Variants in ARHGAP44 observed in about 807,000 individuals in gnomAD.
The protein encoded by ARHGAP44 is Rho GTPase activating protein 44.
ARHGAP44 carries 43 observed loss-of-function variants against 106.8 expected under a neutral mutation model. The observed-to-expected ratio is 0.40, with a 90% CI of 0.32 to 0.52. ARHGAP44 has a LOEUF of 0.52. Ranked by LOEUF, ARHGAP44 falls within the 20% of genes least tolerant of loss-of-function variation. ARHGAP44 has a pLI of 0.48. For missense variants in ARHGAP44, 866 were observed against 1,050.5 expected (o/e 0.82, Z 2.43); for synonymous variants, 439 against 410.3 (o/e 1.07, Z -0.85).
At chr17:12,946,183 T>C (rs2038846731) in intron 10 of ARHGAP44, among the ~76,000 whole-genome samples, 1 of 152,198 alleles carries the variant, frequency 6.6e-6, no homozygotes, top group Non-Finnish European at 1.5e-5. Flanking sequence ...CACATAAAGA[T>C]AACATAATGA....
intron 16 of ARHGAP44, 183 bp from the exon 17 acceptor site, chr17:12,973,119 T>TA (rs1465997137): frequency 5.1e-5 from 32 of 625,172 alleles, no homozygotes; most frequent in Middle Eastern, 2.6e-4. Flanking sequence ...GACTTACACT[T>TA]ACACAAATAG....
intron 13 of ARHGAP44, among the ~76,000 whole-genome samples, chr17:12,953,716 C>T (rs1023399887): frequency 2.0e-5 from 3 of 152,228 alleles, no homozygotes; most frequent in South Asian, 4.1e-4. Flanking sequence ...ACCTTGAGGA[C>T]GTTATGCTAT....
At chr17:12,877,344 C>G (rs992071423) in intron 1 of ARHGAP44, among the ~76,000 whole-genome samples, 3 of 152,074 alleles carry the variant, frequency 2.0e-5, no homozygotes, top group African/African-American at 7.2e-5. Context: ...ATCACATGCC[C>G]TTGGAAAATA....
intron 3 of ARHGAP44, among the ~76,000 whole-genome samples, chr17:12,903,744 C>CTTTT (rs2037465678): frequency 6.6e-6 from 1 of 152,068 alleles, no homozygotes; most frequent in Non-Finnish European, 1.5e-5. Flanking sequence ...TATCCCTCAC[C>CTTTT]CTCCTCCCAC....
At chr17:12,989,113 A>AC (rs2040039345) in intron 20 of ARHGAP44, among the ~76,000 whole-genome samples, 4 of 141,610 alleles carry the variant, frequency 2.8e-5, no homozygotes, top group Admixed American at 7.1e-5. Context: ...AAAAAAAAAA[A>AC]AAAAAAAAAA....
intron 4 of ARHGAP44, among the ~76,000 whole-genome samples, chr17:12,911,147 A>G (rs528175044): frequency 1.3e-5 from 2 of 152,254 alleles, no homozygotes; most frequent in Admixed American, 6.5e-5. Context: ...TGTAAATGGA[A>G]TAAACTCAAC....
intron 4 of ARHGAP44, among the ~76,000 whole-genome samples, chr17:12,914,764 C>G (rs1039081010): frequency 8.7e-5 from 13 of 149,188 alleles, no homozygotes; most frequent in Non-Finnish European, 1.8e-4. Context: ...CCACTGTACT[C>G]CAGCCTAGGC....
intron 1 of ARHGAP44, among the ~76,000 whole-genome samples, chr17:12,831,768 A>G (rs904070011): frequency 2.0e-5 from 3 of 152,284 alleles, no homozygotes; most frequent in Admixed American, 6.5e-5. Context: ...CCTTTTTACT[A>G]AAGAGTGTAA....
At chr17:12,881,761 A>G (rs2036744352) in intron 1 of ARHGAP44, among the ~76,000 whole-genome samples, 1 of 152,180 alleles carries the variant, frequency 6.6e-6, no homozygotes. Flanking sequence ...TGGTATGATC[A>G]TAACTCACTG....
At chr17:12,916,072 C>CA in intron 5 of ARHGAP44, 61 bp downstream of exon 5, 2 of 1,329,500 alleles carry the variant, frequency 1.5e-6, no homozygotes, top group Non-Finnish European at 1.1e-6. Context: ...AGGAGCCCCT[C>CA]AATCATTCTG....
intron 1 of ARHGAP44, among the ~76,000 whole-genome samples, chr17:12,822,223 G>A (rs2034791058): frequency 6.6e-6 from 1 of 152,200 alleles, no homozygotes; most frequent in Non-Finnish European, 1.5e-5. Flanking sequence ...AAATGACTGA[G>A]CATTGCTGTG....
chr17:12,800,112 G>GCTTATT (rs1216194166), intron 1 of ARHGAP44, among the ~76,000 whole-genome samples: 7 of 152,172 alleles, frequency 4.6e-5, no homozygotes, highest in Admixed American at 4.6e-4. Flanking sequence ...CTCAATAAAT[G>GCTTATT]ACAGTTATTA....
intron 10 of ARHGAP44, among the ~76,000 whole-genome samples, chr17:12,946,059 T>G (rs1037460038): frequency 9.9e-5 from 15 of 152,174 alleles, no homozygotes; most frequent in Admixed American, 7.2e-4. Context: ...GCACTGGGCC[T>G]CAATTTAAAA....
Position 12,952,514 on chromosome 17 carries a change from G to C in ARHGAP44, c.1069G>C (p.Asp357His). 6.3e-7 allele frequency: 1 copy of C among 1,579,428 alleles called. No homozygotes were observed. The highest frequency in any genetic ancestry group is 8.6e-7 in the Non-Finnish European group (1 of 1,161,944). The change falls in exon 13 of 21, where the codon GAC becomes CAC. Residue 357 changes from aspartate to histidine, a missense_variant. This residue lies in a region of ARHGAP44 where 448 missense variants were observed against 646.9 expected (regional missense o/e 0.69). Coordinates refer to ENST00000379672, the MANE Select transcript of ARHGAP44 (RefSeq NM_014859.6). ...TCAATTTCTCAGTGTCCAGGAGCAA[G>C]ACAAGAAGCTTCAGGCTCTATGGAA... is the stretch of plus-strand genomic sequence containing the variant. Reference protein sequence around the residue: ...WIQASNVQEQDKKLQALWNAC... With the variant: ...WIQASNVQEQHKKLQALWNAC...
intron 1 of ARHGAP44, among the ~76,000 whole-genome samples, chr17:12,815,447 G>A (rs2034571625): frequency 6.6e-6 from 1 of 152,170 alleles, no homozygotes; most frequent in South Asian, 2.1e-4. Context: ...ATAGAATATA[G>A]CACATAACAA....
chr17:12,938,011 T>A (rs1397090127), intron 7 of ARHGAP44, among the ~76,000 whole-genome samples: 1 of 152,010 alleles, frequency 6.6e-6, no homozygotes, highest in Non-Finnish European at 1.5e-5. Context: ...GGCAGGAGAA[T>A]CGCTTGAACC....
chr17:12,958,753 C>G lies in ARHGAP44; in HGVS notation c.1379C>G (p.Pro460Arg). 6.2e-7 allele frequency: 1 copy of G among 1,613,892 alleles called. No homozygotes were observed. The highest frequency in any genetic ancestry group is 8.5e-7 in the Non-Finnish European group (1 of 1,179,876). ...EFNITGNYGS[P>R]VHVNHNANYS... is the part of the protein sequence containing the mutation. ...AACATTACTGGCAATTATGGGAGTC[C>G]AGTACACGTGAACCATAATGCCAAC... The change falls in exon 16 of 21, where the codon CCA (proline) becomes CGA (arginine). Residue 460 changes from proline to arginine, a missense_variant. Physicochemically the swap from Pro to Arg is moderately radical, Grantham distance 103. Coordinates refer to ENST00000379672, the MANE Select transcript of ARHGAP44 (RefSeq NM_014859.6). The surrounding 1 kb of genome is among the most constrained non-coding windows in gnomAD (Gnocchi z 4.1).
At chr17:12,890,829 A>G (rs186188770) in intron 1 of ARHGAP44, among the ~76,000 whole-genome samples, 67 of 152,328 alleles carry the variant, frequency 4.4e-4, no homozygotes, top group African/African-American at 1.3e-3. Context: ...ATGCAGTTAA[A>G]GGAAGCCATG....
At chr17:12,874,618 G>A (rs2036498769) in intron 1 of ARHGAP44, among the ~76,000 whole-genome samples, 1 of 151,988 alleles carries the variant, frequency 6.6e-6, no homozygotes, top group Non-Finnish European at 1.5e-5. Flanking sequence ...GTAAATCCCA[G>A]CTACTTCGGA....
Sources: allele counts gnomAD v4.1 joint callset (sites outside exome capture counted in the v4.1 genomes callset), GRCh38; gene constraint gnomAD v4.1.1; regional missense constraint gnomAD v4.1.1; non-coding constraint Gnocchi (gnomAD v3.1); transcripts MANE v1.5; gene names NCBI Gene and HGNC (gene_info 2026-07-23, HGNC 2026-07-21).